The following TDRD7 variants were observed in gnomAD, a reference collection of about 807,000 sequenced individuals.
TDRD7 encodes the protein tudor domain containing 7.
A neutral mutation model predicts 109.8 loss-of-function variants in TDRD7; 47 were observed. The observed-to-expected ratio is 0.43, with a 90% CI of 0.34 to 0.55. The LOEUF is 0.55. Ranked by LOEUF, TDRD7 falls within the 20% of genes least tolerant of loss-of-function variation. The pLI, the probability that TDRD7 is intolerant of heterozygous loss-of-function variation, is 0.03. For missense variants in TDRD7, 1,164 were observed against 1,319.2 expected, an observed-to-expected ratio of 0.88 and a Z score of 1.82; for synonymous variants, 424 against 457.3, an observed-to-expected ratio of 0.93 and a Z score of 0.93.
chr9:97,423,483 C>T (rs991421640), intron 1 of TDRD7, among the ~76,000 whole-genome samples: 1 of 151,290 alleles, frequency 6.6e-6, no homozygotes, highest in African/African-American at 2.4e-5. Context: ...TCTTTTCTCT[C>T]CTATTTTTAA....
chr9:97,421,208 A>C (rs1165376690), intron 1 of TDRD7, among the ~76,000 whole-genome samples: 1 of 152,048 alleles, frequency 6.6e-6, no homozygotes, highest in African/African-American at 2.4e-5. Flanking sequence ...GAAATGTATG[A>C]GAGTTCTAAA....
At position 97,460,716 on chromosome 9, in the gene TDRD7, C is replaced by T; in HGVS notation, c.1394C>T (p.Pro465Leu). Residue 465 changes from proline to leucine, a missense_variant, in exon 7 of 17, where the codon CCA (proline) becomes CTA (leucine). Physicochemically the swap from Pro to Leu is moderately conservative, Grantham distance 98 (BLOSUM62 -3). Coordinates refer to ENST00000355295, the MANE Select transcript of TDRD7 (RefSeq NM_014290.3). ...PPLMIPTEAS[P>L]SVLVVELSNT... ...TTAATGATTCCAACTGAAGCATCAC[C>T]ATCTGTATTGGTGGTTGAACTGAGC... The T allele has an allele frequency of 6.2e-7, 1 of 1,614,140 alleles. No homozygotes were observed.
intron 2 of TDRD7, among the ~76,000 whole-genome samples, chr9:97,430,111 A>G (rs1828074431): frequency 6.6e-6 from 1 of 152,244 alleles, no homozygotes; most frequent in African/African-American, 2.4e-5. Flanking sequence ...ATTTCAAATT[A>G]GAGTCAAAGA....
At chr9:97,474,417 C>A (rs953788846) in intron 11 of TDRD7, among the ~76,000 whole-genome samples, 8 of 152,130 alleles carry the variant, frequency 5.3e-5, no homozygotes, top group African/African-American at 1.9e-4. Context: ...TATATTTTAG[C>A]TATTTGGGTA....
rs1284352155 is a variant in TDRD7, at chr9:97,439,626, T to C, written c.637+308T>C. ...TCTCACCTCTTAGGGGGTGCACCCC[T>C]GAGACTTCAGAGGCTGAGGCCTCAC... is the stretch of plus-strand genomic sequence containing the variant. On this transcript the variant is annotated intron_variant, in intron 5 of 16. Coordinates refer to ENST00000355295, the MANE Select transcript of TDRD7 (RefSeq NM_014290.3). Among the ~76,000 whole-genome samples, 3 of 152,188 alleles carry C rather than the reference T, an allele frequency of 2.0e-5. No homozygotes were observed. In the East Asian group the frequency reaches 5.8e-4, roughly 29 times the overall value.
chr9:97,487,442 GTTT>G, intron 16 of TDRD7, 110 bp downstream of exon 16: 1 of 1,487,912 alleles, frequency 6.7e-7, no homozygotes, highest in Non-Finnish European at 9.3e-7. Flanking sequence ...GGTATGTTGG[GTTT>G]TTGTTTTTTT....
chr9:97,485,220 A>G (rs1007863832), intron 15 of TDRD7, among the ~76,000 whole-genome samples: 1 of 152,214 alleles, frequency 6.6e-6, no homozygotes, highest in African/African-American at 2.4e-5. Flanking sequence ...CATAAGAACA[A>G]CTTGGAAAAC....
intron 16 of TDRD7, among the ~76,000 whole-genome samples, chr9:97,490,351 T>G (rs1258332210): frequency 6.6e-6 from 1 of 152,100 alleles, no homozygotes; most frequent in African/African-American, 2.4e-5. Flanking sequence ...GCTGGTGGGT[T>G]TTTTCCTTTC....
intron 1 of TDRD7, among the ~76,000 whole-genome samples, chr9:97,416,138 T>C (rs185815262): frequency 6.6e-6 from 1 of 152,352 alleles, no homozygotes; most frequent in African/African-American, 2.4e-5. Flanking sequence ...AGACCCACAG[T>C]CTTATACTCC....
Position 97,412,869 on chromosome 9 carries a change from A to C in TDRD7, c.-7+631A>C, listed in dbSNP as rs1827743024. 6.6e-6 allele frequency among the ~76,000 whole-genome samples: 1 copy of C among 152,214 alleles called. No individual in the cohort carries two copies. The highest frequency in any genetic ancestry group is 1.5e-5 in the Non-Finnish European group (1 of 68,032). On this transcript the variant is annotated intron_variant, in intron 1 of 16. Transcript: ENST00000355295. This position sits in a 1 kb window ranked among gnomAD's most constrained non-coding sequence, Gnocchi z 4.3. ...AGTAAGTTGTCTCTCAACTTTCAGT[A>C]GCATCCCCTCAGCAGGGTCAGACTC...
intron 6 of TDRD7, among the ~76,000 whole-genome samples, chr9:97,445,979 AAAAT>A (rs1336921185): frequency 6.6e-6 from 1 of 152,124 alleles, no homozygotes; most frequent in African/African-American, 2.4e-5. Context: ...TAAATTTAAA[AAAAT>A]TAGCTGGGCA....
intron 12 of TDRD7, among the ~76,000 whole-genome samples, chr9:97,475,977 A>G (rs1348521855): frequency 6.6e-6 from 1 of 152,156 alleles, no homozygotes; most frequent in East Asian, 1.9e-4. Context: ...AACACTATTA[A>G]TATGCCAACG....
At chr9:97,438,175 T>A (rs1271625603) in intron 4 of TDRD7, among the ~76,000 whole-genome samples, 1 of 152,218 alleles carries the variant, frequency 6.6e-6, no homozygotes, top group Non-Finnish European at 1.5e-5. Context: ...TGGATATATT[T>A]TTGGCATCTT....
chr9:97,446,394 G>A (rs1564201162), intron 6 of TDRD7, among the ~76,000 whole-genome samples: 1 of 152,116 alleles, frequency 6.6e-6, no homozygotes, highest in Non-Finnish European at 1.5e-5. Flanking sequence ...ATGTTGGGCT[G>A]GAGGCACACC....
chr9:97,487,174 G>A lies in TDRD7; in HGVS notation c.2918G>A (p.Trp973Ter). ...QVYAAKVENK[W>*]HRVLLKGILT... is the part of the protein sequence containing the mutation. ...TTTTTAATTTAATGTACATCTAGGTGGCACAGGGTGCTTTTAAAAGGAATC... is the reference window on the plus strand; with the variant it reads ...TTTTTAATTTAATGTACATCTAGGTAGCACAGGGTGCTTTTAAAAGGAATC... The change falls in exon 16 of 17, where the codon TGG becomes TAG. Residue 973 changes from tryptophan to a stop codon, truncating the protein, a stop_gained and splice_region_variant. Transcript: ENST00000355295. LOFTEE classifies it high-confidence loss of function. 6.2e-7 allele frequency: 1 copy of A among 1,613,770 alleles called. No individual in the cohort carries two copies. Among genetic ancestry groups the A allele is most frequent in the Non-Finnish European group, 8.5e-7 (1 of 1,179,846 alleles).
chr9:97,495,356 TTAAA>T (rs1326924610), intron 16 of TDRD7, among the ~76,000 whole-genome samples: 2 of 152,252 alleles, frequency 1.3e-5, no homozygotes, highest in Non-Finnish European at 2.9e-5. Flanking sequence ...TGTTATTAGT[TTAAA>T]TATGCATATA....
Position 97,478,588 on chromosome 9 carries a change from G to C in TDRD7, c.2301+15G>C, listed in dbSNP as rs1350658370. 4.3e-6 allele frequency: 7 copies of C among 1,613,562 alleles called. No individual in the cohort carries two copies. The highest frequency in any genetic ancestry group is 1.1e-5 in the South Asian group (1 of 91,074). ...TACCACCTCAGGTACTATGTTACCA[G>C]CCTGGGAGATTTGCTGGAACAGATT... On this transcript the variant is annotated intron_variant, in intron 13 of 16. Transcript: ENST00000355295.
At chr9:97,475,717 C>A (rs1332775188) in intron 12 of TDRD7, among the ~76,000 whole-genome samples, 1 of 151,996 alleles carries the variant, frequency 6.6e-6, no homozygotes, top group African/African-American at 2.4e-5. Flanking sequence ...TATATTCTTA[C>A]TGTATTTGTA....
At chr9:97,434,817 T>C (rs896528102) in intron 4 of TDRD7, among the ~76,000 whole-genome samples, 2 of 152,146 alleles carry the variant, frequency 1.3e-5, no homozygotes, top group African/African-American at 4.8e-5. Flanking sequence ...GTACACAGAA[T>C]ATGTCTCCAC....
Sources: allele counts gnomAD v4.1 joint callset (sites outside exome capture counted in the v4.1 genomes callset), GRCh38; gene constraint gnomAD v4.1.1; non-coding constraint Gnocchi (gnomAD v3.1); transcripts MANE v1.5; gene names NCBI Gene and HGNC (gene_info 2026-07-23, HGNC 2026-07-21).